Variants in ABCA13 observed in about 807,000 individuals in gnomAD.
The protein encoded by ABCA13 is ATP binding cassette subfamily A member 13.
ABCA13 carries 476 observed loss-of-function variants against 478.7 expected under a neutral mutation model. The ratio of observed to expected loss-of-function variants is 0.99; its 90% CI spans 0.92 to 1.07. ABCA13 has a LOEUF of 1.07. ABCA13 is among the 50% of genes least tolerant of loss of function. The pLI is 0.00. For missense variants in ABCA13, 6,060 were observed against 5,910.6 expected (o/e 1.03, Z -0.83); for synonymous variants, 2,252 against 2,158.9 (o/e 1.04, Z -1.20).
chr7:48,229,049 C>T lies in ABCA13; in HGVS notation c.633-776C>T, dbSNP rs373568472. ...TGATATATCTTATAATCCTGGGATA[C>T]GCTTCAATACACAAAGTTGTCATAA... On this transcript the variant is annotated intron_variant, in intron 6 of 61. Coordinates refer to ENST00000435803, the MANE Select transcript of ABCA13 (RefSeq NM_152701.5). Among the ~76,000 whole-genome samples the T allele has an allele frequency of 1.8e-4, 27 of 152,180 alleles. No homozygotes were observed. In the East Asian group the frequency reaches 2.5e-3, roughly 14 times the overall value.
At chr7:48,300,260 T>A (rs1031321503) in intron 23 of ABCA13, among the ~76,000 whole-genome samples, 1 of 152,236 alleles carries the variant, frequency 6.6e-6, no homozygotes, top group Non-Finnish European at 1.5e-5. Context: ...GGGAATACTC[T>A]TCAGTGGTGC....
At chr7:48,611,820 T>A (rs919620475) in intron 58 of ABCA13, 1 of 152,226 alleles carries the variant, frequency 6.6e-6, no homozygotes, top group Non-Finnish European at 1.5e-5. Context: ...GAAACTAATA[T>A]ATAAGTGACT....
chr7:48,608,491 A>AT (rs1322745435), intron 58 of ABCA13, among the ~76,000 whole-genome samples: 1 of 152,344 alleles, frequency 6.6e-6, no homozygotes, highest in South Asian at 2.1e-4. Flanking sequence ...AGCTATATGC[A>AT]TGCTACATCC....
intron 2 of ABCA13, among the ~76,000 whole-genome samples, chr7:48,195,968 A>C (rs1411686460): frequency 6.6e-6 from 1 of 152,138 alleles, no homozygotes; most frequent in Non-Finnish European, 1.5e-5. Context: ...GAGTGAAAAA[A>C]GGGAAGGTAA....
intron 59 of ABCA13, among the ~76,000 whole-genome samples, chr7:48,621,643 AT>A (rs1403200764): frequency 2.6e-5 from 4 of 152,158 alleles, no homozygotes; most frequent in Admixed American, 6.5e-5. Context: ...TCCTTAAATT[AT>A]TTTTTTGATA....
rs1385598109 is a variant in ABCA13 at position 48,506,355 on chromosome 7, C to T, written c.13311C>T (p.His4437=). 6.2e-7 allele frequency: 1 copy of T among 1,613,712 alleles called. No individual in the cohort carries two copies. The highest frequency in any genetic ancestry group is 8.5e-7 in the Non-Finnish European group (1 of 1,179,802). The stretch of plus-strand genomic sequence containing the variant: ...TCACAGGAATAACACTCTACAGCCA[C>T]CCATATGGAGGGGCCTTGCTGAACG... ...WRQYGITLYS[H]PYGGALLNED... Residue 4437 remains histidine, a synonymous_variant, in exon 49 of 62, where the codon CAC becomes CAT. Transcript: ENST00000435803.
At chr7:48,633,594 A>C (rs1414693658) in intron 59 of ABCA13, among the ~76,000 whole-genome samples, 1 of 152,006 alleles carries the variant, frequency 6.6e-6, no homozygotes, top group Non-Finnish European at 1.5e-5. Flanking sequence ...AATAAAAATT[A>C]GGCTGGGTGC....
At chr7:48,293,787 G>C (rs1220455738) in intron 20 of ABCA13, among the ~76,000 whole-genome samples, 1 of 152,114 alleles carries the variant, frequency 6.6e-6, no homozygotes, top group African/African-American at 2.4e-5. Context: ...TTAAAAAACT[G>C]ATTGTTTCTA....
chr7:48,216,325 A>G (rs1786472382), intron 3 of ABCA13, among the ~76,000 whole-genome samples: 1 of 152,070 alleles, frequency 6.6e-6, no homozygotes, highest in Non-Finnish European at 1.5e-5. Context: ...ATTTTGATTT[A>G]CATTTCCCTA....
rs367570188 is a variant in ABCA13, at chr7:48,293,192, G to GCCCCC, written c.8956-2502_8956-2498dup. ...TTCATCATTTCCTGAGAAGTCTTCA[G>GCCCCC]CCCCCCCCCCGCCACACACACACTA... On this transcript the variant is annotated intron_variant, in intron 20 of 61. Transcript: ENST00000435803. Among the ~76,000 whole-genome samples the GCCCCC allele has an allele frequency of 2.5e-3, 271 of 108,190 alleles. 13 individuals carry two copies. The highest frequency in any genetic ancestry group is 7.7e-3 in the South Asian group (18 of 2,330). The allele number at this position is 108,190 out of a possible 152,430, so 71.0% of individuals were successfully genotyped here. A position where few individuals can be genotyped will look rare whatever the true frequency, so the allele number is the denominator to read the frequency against.
At chr7:48,443,224 G>A (rs1036363665) in intron 42 of ABCA13, among the ~76,000 whole-genome samples, 1 of 152,132 alleles carries the variant, frequency 6.6e-6, no homozygotes, top group Admixed American at 6.6e-5. Flanking sequence ...AGCTCAGTCT[G>A]TGGTAGTTTG....
chr7:48,426,769 A>G (rs555237458), intron 41 of ABCA13, among the ~76,000 whole-genome samples: 21 of 152,218 alleles, frequency 1.4e-4, no homozygotes, highest in African/African-American at 4.8e-4. Context: ...CGTTCAGGAA[A>G]CCTTGGCTAA....
At chr7:48,605,813 A>G (rs1240691462) in intron 58 of ABCA13, among the ~76,000 whole-genome samples, 2 of 152,134 alleles carry the variant, frequency 1.3e-5, no homozygotes, top group Non-Finnish European at 2.9e-5. Flanking sequence ...GTGTTTTCCA[A>G]CTTGGTTCCA....
At chr7:48,301,806 G>A (rs561103273) in intron 23 of ABCA13, among the ~76,000 whole-genome samples, 109 of 151,968 alleles carry the variant, frequency 7.2e-4, no homozygotes, top group African/African-American at 2.4e-3. Flanking sequence ...TTAGAGTAGG[G>A]CTTTTCTCTT....
intron 26 of ABCA13, among the ~76,000 whole-genome samples, chr7:48,316,468 C>A (rs970477609): frequency 6.6e-6 from 1 of 152,084 alleles, no homozygotes; most frequent in Non-Finnish European, 1.5e-5. Context: ...AAATGTAAGT[C>A]ATTCTTTCCT....
At chr7:48,530,202 C>G (rs1833129339) in intron 55 of ABCA13, among the ~76,000 whole-genome samples, 1 of 151,992 alleles carries the variant, frequency 6.6e-6, no homozygotes, top group Non-Finnish European at 1.5e-5. Context: ...GTTTTTCATT[C>G]CTGAGTTACT....
intron 42 of ABCA13, among the ~76,000 whole-genome samples, chr7:48,445,102 A>G (rs948359502): frequency 2.0e-5 from 3 of 151,004 alleles, no homozygotes; most frequent in Non-Finnish European, 4.4e-5. Flanking sequence ...TCCAGCTCCT[A>G]GGTTCAAGCG....
At chr7:48,361,283 T>G (rs143316858) in intron 31 of ABCA13, among the ~76,000 whole-genome samples, 10 of 151,840 alleles carry the variant, frequency 6.6e-5, no homozygotes, top group Non-Finnish European at 1.5e-4. Flanking sequence ...TTCCAATTAT[T>G]AAGATCCTAG....
rs372303105 is a variant in ABCA13, at chr7:48,310,039, T to C, written c.9414T>C (p.Ser3138=). Residue 3138 remains serine (S), a synonymous_variant, in exon 24 of 62, where the codon TCT becomes TCC. Coordinates refer to ENST00000435803, the MANE Select transcript of ABCA13 (RefSeq NM_152701.5). The part of the protein sequence containing the change: ...LLLTFPKGEK[S]WIAAEELCSL... The stretch of plus-strand genomic sequence containing the variant: ...TGACATTTCCCAAAGGGGAAAAATC[T>C]TGGATCGCAGCGGAGGAACTCTGTA... 8 of 1,613,834 alleles carry C rather than the reference T, an allele frequency of 5.0e-6. No homozygotes were observed. Among genetic ancestry groups the C allele is most frequent in the African/African-American group, 1.3e-5 (1 of 74,938 alleles).
Sources: gnomAD v4.1 joint callset for allele counts (sites outside exome capture counted in the v4.1 genomes callset) on GRCh38, gnomAD v4.1.1 for gene constraint, MANE v1.5 for transcripts, NCBI Gene and HGNC (gene_info 2026-07-23, HGNC 2026-07-21) for gene names.